CCSER1: variants seen among roughly 807,000 people sequenced by gnomAD.
CCSER1 encodes serine-rich coiled-coil domain-containing protein 1.
Under a neutral mutation model 82.0 loss-of-function variants are expected in CCSER1, and 41 were observed. The observed-to-expected ratio is 0.50, with a 90% CI of 0.39 to 0.65. The LOEUF (loss-of-function observed/expected upper bound fraction) is 0.65, where lower values mean the gene tolerates loss of function less well. Ranked by LOEUF, CCSER1 falls within the 30% of genes least tolerant of loss-of-function variation. The pLI, the probability that CCSER1 is intolerant of heterozygous loss-of-function variation, is 0.00. For synonymous variants in CCSER1, 414 were observed against 383.9 expected (o/e 1.08, Z -0.92); for missense variants, 1,119 against 1,064.2 (o/e 1.05, Z -0.72).
At chr4:90,557,832 G>A (rs563012231) in intron 5 of CCSER1, among the ~76,000 whole-genome samples, 14 of 152,116 alleles carry the variant, frequency 9.2e-5, no homozygotes, top group African/African-American at 2.9e-4. Context: ...CATTTTAAAC[G>A]TATTTAGTAC....
chr4:91,084,390 A>G (rs1723145966), intron 9 of CCSER1, among the ~76,000 whole-genome samples: 1 of 152,178 alleles, frequency 6.6e-6, no homozygotes, highest in East Asian at 1.9e-4. Flanking sequence ...TTCCTAGCAA[A>G]TACATTTGGT....
chr4:90,892,411 C>T (rs1723093523), intron 8 of CCSER1, among the ~76,000 whole-genome samples: 1 of 151,896 alleles, frequency 6.6e-6, no homozygotes, highest in South Asian at 2.1e-4. Context: ...TGCTTATTTG[C>T]CTGCTTTTCA....
intron 9 of CCSER1, among the ~76,000 whole-genome samples, chr4:90,939,136 A>G (rs1339383093): frequency 6.6e-6 from 1 of 152,266 alleles, no homozygotes; most frequent in East Asian, 1.9e-4. Flanking sequence ...TTTGAAAACA[A>G]TGCCTTTAGT....
rs941612097 is a variant in CCSER1 at position 90,399,962 on chromosome 4, G to A, written c.1510-74G>A. On this transcript the variant is annotated intron_variant, in intron 3 of 10. Coordinates refer to ENST00000509176, the MANE Select transcript of CCSER1 (RefSeq NM_001145065.2). The stretch of plus-strand genomic sequence containing the variant: ...GATTTGGAATTCATTTTTGCTTCAC[G>A]GCTTCCACATATGAGTATTTCCTCA... 14 of 729,120 alleles carry A rather than the reference G, an allele frequency of 1.9e-5. 1 individual carries two copies. Among genetic ancestry groups the A allele is most frequent in the South Asian group, 1.5e-4 (7 of 46,166 alleles). The allele number at this position is 729,120 out of a possible 1,614,324, so 45.2% of individuals were successfully genotyped here.
intron 4 of CCSER1, among the ~76,000 whole-genome samples, chr4:90,462,350 G>C (rs925729426): frequency 2.6e-5 from 4 of 152,142 alleles, no homozygotes; most frequent in African/African-American, 9.7e-5. Context: ...GAGCAGGAGG[G>C]AACTTTTGAC....
chr4:90,362,048 C>T (rs1410768215), intron 3 of CCSER1, among the ~76,000 whole-genome samples: 3 of 152,172 alleles, frequency 2.0e-5, no homozygotes, highest in African/African-American at 7.2e-5. Flanking sequence ...GTCTCAAGCT[C>T]AGGATTCTTC....
At chr4:91,531,030 A>G (rs1761003455) in intron 10 of CCSER1, among the ~76,000 whole-genome samples, 1 of 152,110 alleles carries the variant, frequency 6.6e-6, no homozygotes, top group African/African-American at 2.4e-5. Flanking sequence ...ATAAAAATGT[A>G]TACTTATTTA....
At chr4:90,280,655 G>A (rs9995287) in intron 1 of CCSER1, among the ~76,000 whole-genome samples, 1 of 151,896 alleles carries the variant, frequency 6.6e-6, no homozygotes, top group African/African-American at 2.4e-5. Context: ...ATCTAACGTA[G>A]GTCTTTGATT....
chr4:90,595,387 T>G (rs906705825), intron 5 of CCSER1, among the ~76,000 whole-genome samples: 1 of 152,000 alleles, frequency 6.6e-6, no homozygotes, highest in African/African-American at 2.4e-5. Context: ...TGTTAATAGT[T>G]AAATCACTCA....
At chr4:90,728,653 AG>A (rs1027141088) in intron 7 of CCSER1, among the ~76,000 whole-genome samples, 6 of 152,154 alleles carry the variant, frequency 3.9e-5, no homozygotes, top group Non-Finnish European at 8.8e-5. Flanking sequence ...TTAGCAATAT[AG>A]GGAGACCCCC....
intron 8 of CCSER1, among the ~76,000 whole-genome samples, chr4:90,821,151 A>C (rs1759674517): frequency 6.6e-6 from 1 of 152,204 alleles, no homozygotes; most frequent in Admixed American, 6.5e-5. Context: ...TTATTACAGT[A>C]TCATTTCAAT....
intron 1 of CCSER1, among the ~76,000 whole-genome samples, chr4:90,294,511 T>G (rs1731496038): frequency 6.6e-6 from 1 of 152,072 alleles, no homozygotes; most frequent in African/African-American, 2.4e-5. Flanking sequence ...GTGAAATTAT[T>G]TTTAGAAAAG....
In CCSER1 at chr4:90,963,636, G is replaced by A. The variant is rs1734257685; in HGVS notation, c.2172+40189G>A. On this transcript the variant is annotated intron_variant, in intron 9 of 10. Transcript: ENST00000509176. ...AGGCCATTTGAGGGCACAGTGAGAAGGCAGCCATCTGCATCCATTGGAGAG... is the reference window on the plus strand; with the variant it reads ...AGGCCATTTGAGGGCACAGTGAGAAAGCAGCCATCTGCATCCATTGGAGAG... Among the ~76,000 whole-genome samples the A allele has an allele frequency of 2.6e-5, 4 of 151,844 alleles. 1 individual carries two copies. The highest frequency in any genetic ancestry group is 2.6e-4 in the Admixed American group (4 of 15,234).
intron 10 of CCSER1, among the ~76,000 whole-genome samples, chr4:91,479,465 A>C (rs546988157): frequency 6.6e-6 from 1 of 151,772 alleles, no homozygotes; most frequent in African/African-American, 2.4e-5. Context: ...ATCACACACA[A>C]AAAGATTGTA....
At chr4:91,025,282 T>C (rs1395705186) in intron 9 of CCSER1, among the ~76,000 whole-genome samples, 1 of 152,198 alleles carries the variant, frequency 6.6e-6, no homozygotes, top group African/African-American at 2.4e-5. Context: ...TCCAGCTGTC[T>C]CTAATCAATT....
rs1167472932 is a variant in CCSER1 at position 91,424,001 on chromosome 4, C to CTTTTTT, written c.2218-174550_2218-174545dup. Reference sequence around the variant, plus strand: ...ATAACACTGTAAGAACTCAGCAGATCTTTTTTTTTTTTTTTTTTTTTTTTT... The same window carrying CTTTTTT: ...ATAACACTGTAAGAACTCAGCAGATCTTTTTTTTTTTTTTTTTTTTTTTTTTTTTTT... On this transcript the variant is annotated intron_variant, in intron 10 of 10. Transcript: ENST00000509176. 3.4e-4 allele frequency among the ~76,000 whole-genome samples: 26 copies of CTTTTTT among 77,472 alleles called. 3 individuals carry two copies. The highest frequency in any genetic ancestry group is 5.7e-4 in the Admixed American group (3 of 5,288). The allele number at this position is 77,472 out of a possible 152,430, so 50.8% of individuals were successfully genotyped here. A position where few individuals can be genotyped will look rare whatever the true frequency, so the allele number is the denominator to read the frequency against.
chr4:91,300,359 A>G (rs992667717), intron 10 of CCSER1, among the ~76,000 whole-genome samples: 2 of 151,944 alleles, frequency 1.3e-5, no homozygotes, highest in Admixed American at 1.3e-4. Context: ...ATAAGACTCG[A>G]AGGCACCATT....
chr4:90,425,330 G>C (rs1757378415), intron 4 of CCSER1, among the ~76,000 whole-genome samples: 1 of 152,142 alleles, frequency 6.6e-6, no homozygotes, highest in Non-Finnish European at 1.5e-5. Context: ...GAGAGAGGAA[G>C]AGAGAGACAG....
chr4:91,183,218 A>G lies in CCSER1; in HGVS notation c.2217+97224A>G, dbSNP rs539075859. Among the ~76,000 whole-genome samples, 17 of 152,326 alleles carry G rather than the reference A, an allele frequency of 1.1e-4. No individual in the cohort carries two copies. In the South Asian group the frequency reaches 3.5e-3, roughly 32 times the overall value. ...ATTTTCAATTAACTGTGTGGGATGA[A>G]CCACATATGAAGAATCAGAAATCAC... On this transcript the variant is annotated intron_variant, in intron 10 of 10. Coordinates refer to ENST00000509176, the MANE Select transcript of CCSER1 (RefSeq NM_001145065.2).
Sources: gnomAD v4.1 joint callset for allele counts (sites outside exome capture counted in the v4.1 genomes callset) on GRCh38, gnomAD v4.1.1 for gene constraint, MANE v1.5 for transcripts, NCBI Gene and HGNC (gene_info 2026-07-23, HGNC 2026-07-21) for gene names.